The following FLOT1 variants were observed in gnomAD, a reference collection of about 807,000 sequenced individuals.
FLOT1 encodes the protein flotillin-1.
Under a neutral mutation model 58.4 loss-of-function variants are expected in FLOT1, and 40 were observed. That is an observed-to-expected ratio of 0.69 (90% CI 0.53 to 0.89). FLOT1 has a LOEUF of 0.89. Among genes scored for constraint, FLOT1 ranks in the 40% least tolerant of loss-of-function variants. FLOT1 has a pLI of 0.00. For synonymous variants in FLOT1, 178 were observed against 204.2 expected, an observed-to-expected ratio of 0.87 and a Z score of 1.09; for missense variants, 423 against 540.8, an observed-to-expected ratio of 0.78 and a Z score of 2.16.
rs1136719 is a variant in FLOT1, at chr6:30,728,143, C to G, written c.1257G>C (p.Val419=). The change falls in exon 13 of 13, where the codon GTG becomes GTC. Residue 419 remains valine, a splice_region_variant and synonymous_variant. Coordinates refer to ENST00000376389, the MANE Select transcript of FLOT1 (RefSeq NM_005803.4). ...AGGCTGTTCTCAAAGGCTTGTGATTCACCTGGCAAAAAGACAACAGTAGAT... is the reference window on the plus strand; with the variant it reads ...AGGCTGTTCTCAAAGGCTTGTGATTGACCTGGCAAAAAGACAACAGTAGAT... ...ERLTGVSISQ[V]NHKPLRTA 3 of 1,612,854 alleles carry G rather than the reference C, an allele frequency of 1.9e-6. No individual in the cohort carries two copies. In the Admixed American group the frequency reaches 5.0e-5, roughly 27 times the overall value.
At position 30,737,208 on chromosome 6, in the gene FLOT1, T is replaced by TCTGTCGTCCGTC. The variant is rs1554208448; in HGVS notation, c.723+2949_723+2950insGACGGACGACAG. The stretch of plus-strand genomic sequence containing the variant: ...GACTGACTGACTGACTGACTGTCTG[T>TCTGTCGTCCGTC]CGTCCGTCCGTCCGTCCGTCCGTCC... On this transcript the variant is annotated intron_variant, in intron 8 of 12. Transcript: ENST00000376389. This position sits in a 1 kb window ranked among gnomAD's most constrained non-coding sequence, Gnocchi z 4.4. Among the ~76,000 whole-genome samples the TCTGTCGTCCGTC allele has an allele frequency of 2.9e-5, 4 of 138,126 alleles. No individual in the cohort carries two copies. Among genetic ancestry groups the TCTGTCGTCCGTC allele is most frequent in the African/African-American group, 5.6e-5 (2 of 35,748 alleles). 90.6% of individuals were successfully genotyped at this position (138,126 alleles called of 152,430 possible). A position where few individuals can be genotyped will look rare whatever the true frequency, so the allele number is the denominator to read the frequency against.
Position 30,741,476 on chromosome 6 carries a change from G to T in FLOT1, c.210+138C>A. 2 of 1,298,404 alleles carry T rather than the reference G, an allele frequency of 1.5e-6. No homozygotes were observed. The highest frequency in any genetic ancestry group is 1.1e-6 in the Non-Finnish European group (1 of 913,166). The allele number at this position is 1,298,404 out of a possible 1,614,324, so 80.4% of individuals were successfully genotyped here. On this transcript the variant is annotated intron_variant, in intron 4 of 12. Coordinates refer to ENST00000376389, the MANE Select transcript of FLOT1 (RefSeq NM_005803.4). The surrounding 1 kb of genome is among the most constrained non-coding windows in gnomAD (Gnocchi z 5.9). ...GAGGAGGAGGCAAGTGCCTTGGGGTGCCTGGAAAAGATGAGACTAGCAGAG... is the reference window on the plus strand; with the variant it reads ...GAGGAGGAGGCAAGTGCCTTGGGGTTCCTGGAAAAGATGAGACTAGCAGAG...
At position 30,741,955 on chromosome 6, in the gene FLOT1, C is replaced by G. The variant is rs1426992535; in HGVS notation, c.44-88G>C. 1 of 1,317,352 alleles carries G rather than the reference C, an allele frequency of 7.6e-7. No homozygotes were observed. Among genetic ancestry groups the G allele is most frequent in the Non-Finnish European group, 1.1e-6 (1 of 921,188 alleles). 81.6% of individuals were successfully genotyped at this position (1,317,352 alleles called of 1,614,324 possible). A position where few individuals can be genotyped will look rare whatever the true frequency, so the allele number is the denominator to read the frequency against. ...GCGGGGGTGAGGGGACAGCAACCCA[C>G]AGGAGAGAATCTGGGAGCTGGAGGG... is the stretch of plus-strand genomic sequence containing the variant. On this transcript the variant is annotated intron_variant, in intron 2 of 12. Coordinates refer to ENST00000376389, the MANE Select transcript of FLOT1 (RefSeq NM_005803.4). This position sits in a 1 kb window ranked among gnomAD's most constrained non-coding sequence, Gnocchi z 5.9.
intron 8 of FLOT1, among the ~76,000 whole-genome samples, chr6:30,739,367 C>CT (rs780604483): frequency 0.07 from 10,307 of 146,782 alleles, 539 homozygotes; most frequent in Non-Finnish European, 0.12. Context: ...TTGGCCTTCT[C>CT]TTTTTTTTTT....
intron 8 of FLOT1, among the ~76,000 whole-genome samples, chr6:30,738,317 C>G (rs566865662): frequency 3.9e-4 from 59 of 152,052 alleles, no homozygotes; most frequent in South Asian, 8.3e-4. Flanking sequence ...GTCAAGTCAC[C>G]CAGGAATTTA....
chr6:30,740,294 T>TGCTTG lies in FLOT1; in HGVS notation c.582_586dup (p.Gln196ProfsTer11), dbSNP rs1366041196. ...CAGGTACTGAGCAGACACCTTTTCC[T>TGCTTG]GCTTGGCTTTAGCTTCCTGTCCAAG... On this transcript the variant is annotated frameshift_variant, in exon 8 of 13. Coordinates refer to ENST00000376389, the MANE Select transcript of FLOT1 (RefSeq NM_005803.4). LOFTEE classifies it high-confidence loss of function. 6.2e-7 allele frequency: 1 copy of TGCTTG among 1,613,064 alleles called. No homozygotes were observed. Among genetic ancestry groups the TGCTTG allele is most frequent in the South Asian group, 1.1e-5 (1 of 91,070 alleles).
At chr6:30,733,676 G>A (rs1313298489) in intron 8 of FLOT1, among the ~76,000 whole-genome samples, 1 of 150,316 alleles carries the variant, frequency 6.7e-6, no homozygotes, top group Non-Finnish European at 1.5e-5. Flanking sequence ...AGGAGGCAGA[G>A]GTTGCAGTAG....
At position 30,740,223 on chromosome 6, in the gene FLOT1, T is replaced by C; in HGVS notation, c.658A>G (p.Lys220Glu). 1 of 1,613,016 alleles carries C rather than the reference T, an allele frequency of 6.2e-7. No individual in the cohort carries two copies. ...TTGACCTCGATGTCATAGGCGGCCT[T>C]CTTCAGTTCGTAATCTCTCTGTGCC... is the stretch of plus-strand genomic sequence containing the variant. ...AKAQRDYELK[K>E]AAYDIEVNTR... is the part of the protein sequence containing the mutation. The change falls in exon 8 of 13, where the codon AAG becomes GAG. Residue 220 changes from lysine to glutamate, a missense_variant. Physicochemically the swap from Lys to Glu is moderately conservative, Grantham distance 56 (BLOSUM62 1). Coordinates refer to ENST00000376389, the MANE Select transcript of FLOT1 (RefSeq NM_005803.4).
chr6:30,728,184 T>C, intron 12 of FLOT1, 39 bp from the exon 13 acceptor site: 1 of 1,604,552 alleles, frequency 6.2e-7, no homozygotes, highest in Non-Finnish European at 8.5e-7. Context: ...TTGGGAACAT[T>C]CGGGAGGCTG....
Position 30,742,435 on chromosome 6 carries a change from T to A in FLOT1, c.-15+92A>T. On this transcript the variant is annotated intron_variant, in intron 1 of 12. Coordinates refer to ENST00000376389, the MANE Select transcript of FLOT1 (RefSeq NM_005803.4). This position sits in a 1 kb window ranked among gnomAD's most constrained non-coding sequence, Gnocchi z 5.2. ...CCCTTCCCCTCGCCGCTCCCTTTGA[T>A]AAAGGTCCCCCGCGCCCAGAGGCCT... The A allele has an allele frequency of 1.7e-6, 1 of 583,080 alleles. No homozygotes were observed. Among genetic ancestry groups the A allele is most frequent in the South Asian group, 2.0e-5 (1 of 49,064 alleles). The allele number at this position is 583,080 out of a possible 1,614,324, so 36.1% of individuals were successfully genotyped here.
chr6:30,739,674 TTC>T (rs1265011886), intron 8 of FLOT1, among the ~76,000 whole-genome samples: 1 of 148,354 alleles, frequency 6.7e-6, no homozygotes, highest in Non-Finnish European at 1.5e-5. Context: ...GGCCTTTTTT[TTC>T]TCTTTTTTGG....
intron 8 of FLOT1, among the ~76,000 whole-genome samples, chr6:30,735,644 A>T (rs1777515494): frequency 6.6e-6 from 1 of 152,074 alleles, no homozygotes; most frequent in African/African-American, 2.4e-5. Flanking sequence ...TCTCAAAAAA[A>T]ACATAAATAA....
In FLOT1 at chr6:30,728,085, A is replaced by G; in HGVS notation, c.*31T>C. On this transcript the variant is annotated 3_prime_UTR_variant, in exon 13 of 13. Coordinates refer to ENST00000376389, the MANE Select transcript of FLOT1 (RefSeq NM_005803.4). ...GAGGATCATTCAGGCAACTTCAGCTATGAGGCTGGGCATCTGTGAGGGCTG... is the reference window on the plus strand; with the variant it reads ...GAGGATCATTCAGGCAACTTCAGCTGTGAGGCTGGGCATCTGTGAGGGCTG... 3.1e-6 allele frequency: 5 copies of G among 1,610,538 alleles called. No homozygotes were observed. The highest frequency in any genetic ancestry group is 4.2e-6 in the Non-Finnish European group (5 of 1,177,734).
chr6:30,734,812 C>T (rs761961386), intron 8 of FLOT1, among the ~76,000 whole-genome samples: 3 of 152,066 alleles, frequency 2.0e-5, no homozygotes, highest in Non-Finnish European at 2.9e-5. Flanking sequence ...CTCTGCCTCC[C>T]GGATTCAAGT....
Position 30,737,671 on chromosome 6 carries a change from A to C in FLOT1, c.723+2487T>G, listed in dbSNP as rs1396555275. On this transcript the variant is annotated intron_variant, in intron 8 of 12. Transcript: ENST00000376389. The surrounding 1 kb of genome is among the most constrained non-coding windows in gnomAD (Gnocchi z 4.4). The stretch of plus-strand genomic sequence containing the variant: ...TCTCAAACACCACTTCCTCATAGAA[A>C]CTTTCTCTACCACCCGCTAACCTAA... 9.2e-5 allele frequency among the ~76,000 whole-genome samples: 14 copies of C among 152,104 alleles called. No individual in the cohort carries two copies.
intron 8 of FLOT1, among the ~76,000 whole-genome samples, chr6:30,734,110 TCTC>T (rs1777401412): frequency 6.8e-6 from 1 of 147,444 alleles, no homozygotes; most frequent in Admixed American, 6.8e-5. Context: ...CTCTTTGAGA[TCTC>T]TCTCTCTCTA....
At chr6:30,734,528 C>T (rs1482454846) in intron 8 of FLOT1, among the ~76,000 whole-genome samples, 1 of 152,010 alleles carries the variant, frequency 6.6e-6, no homozygotes, top group Admixed American at 6.6e-5. Context: ...AGGATGGTCT[C>T]GATCTCCTGA....
In FLOT1 at chr6:30,730,541, C is replaced by A. The variant is rs1777095677; in HGVS notation, c.976G>T (p.Ala326Ser). 4 of 1,611,202 alleles carry A rather than the reference C, an allele frequency of 2.5e-6. No homozygotes were observed. Among genetic ancestry groups the A allele is most frequent in the Non-Finnish European group, 3.4e-6 (4 of 1,177,862 alleles). ...TCGGCTCGGGCTCGGGCCCCTATGG[C>A]AAAGGCCTCAGCTTCCCCACGCATC... is the stretch of plus-strand genomic sequence containing the variant. Reference protein sequence around the residue: ...VRMRGEAEAFAIGARARAEAE... With the variant: ...VRMRGEAEAFSIGARARAEAE... Residue 326 changes from alanine to serine, a missense_variant, in exon 11 of 13, where the codon GCC (alanine) becomes TCC (serine). Physicochemically the swap from Ala to Ser is moderately conservative, Grantham distance 99. This residue lies in a region of FLOT1 where 106 missense variants were observed against 88.4 expected (regional missense o/e 1.20). Transcript: ENST00000376389.
In FLOT1 at chr6:30,730,040, T is replaced by C. The variant is rs1415084748; in HGVS notation, c.1236A>G (p.Thr412=). ...ACCTCACCTGGGAGATGCTCACGCC[T>C]GTGAGTCTTTCCACACTCTCTGGCA... ...TRLPESVERL[T]GVSISQVNHK... The change falls in exon 12 of 13, where the codon ACA becomes ACG. Residue 412 remains threonine, a synonymous_variant. Coordinates refer to ENST00000376389, the MANE Select transcript of FLOT1 (RefSeq NM_005803.4). 1.9e-6 allele frequency: 3 copies of C among 1,613,046 alleles called. No individual in the cohort carries two copies. The Admixed American group carries it at 5.0e-5, about 27-fold the overall frequency.
Sources: gnomAD v4.1 joint callset for allele counts (sites outside exome capture counted in the v4.1 genomes callset) on GRCh38, gnomAD v4.1.1 for gene constraint, gnomAD v4.1.1 regional missense constraint, Gnocchi (gnomAD v3.1) non-coding constraint, MANE v1.5 for transcripts, NCBI Gene and HGNC (gene_info 2026-07-23, HGNC 2026-07-21) for gene names.